Variants in ZBBX observed in about 807,000 individuals in gnomAD.
The protein encoded by ZBBX is zinc finger B-box domain containing.
A neutral mutation model predicts 108.5 loss-of-function variants in ZBBX; 101 were observed. The ratio of observed to expected loss-of-function variants is 0.93; its 90% CI spans 0.79 to 1.10. The LOEUF is 1.10. Ranked by LOEUF, ZBBX falls within the 50% of genes least tolerant of loss-of-function variation. The probability of loss-of-function intolerance (pLI) is 0.00; values close to 1 mark genes in which losing one functional copy is unlikely to be tolerated. For missense variants in ZBBX, 1,009 were observed against 941.4 expected (o/e 1.07, Z -0.94); for synonymous variants, 356 against 323.4 (o/e 1.10, Z -1.08).
the ZBBX span, among the ~76,000 whole-genome samples, chr3:167,188,935 C>G: frequency 6.6e-6 from 1 of 152,104 alleles, no homozygotes; most frequent in Admixed American, 6.6e-5. Context: ...TAAAAAGACA[C>G]AGTAAGAATC....
chr3:167,403,245 C>T (rs999602560), intron 1 of ZBBX, among the ~76,000 whole-genome samples: 35 of 152,080 alleles, frequency 2.3e-4, no homozygotes, highest in African/African-American at 6.0e-4. Flanking sequence ...ATTAACCCAA[C>T]GCATTGACAT....
intron 20 of ZBBX, among the ~76,000 whole-genome samples, chr3:167,244,978 TACATG>T (rs1278111746): frequency 1.3e-5 from 2 of 152,042 alleles, no homozygotes; most frequent in Non-Finnish European, 2.9e-5. Flanking sequence ...AATAAGCACT[TACATG>T]AAATAAAACA....
intron 8 of ZBBX, among the ~76,000 whole-genome samples, chr3:167,354,499 A>T (rs1743198494): frequency 6.6e-6 from 1 of 151,856 alleles, no homozygotes; most frequent in Admixed American, 6.6e-5. Flanking sequence ...CTGAAGAAAA[A>T]AAAACACTAT....
intron 9 of ZBBX, among the ~76,000 whole-genome samples, chr3:167,336,535 AAGGAATTTCAAGTTC>A (rs1392311306): frequency 6.6e-6 from 1 of 152,200 alleles, no homozygotes; most frequent in Non-Finnish European, 1.5e-5. Flanking sequence ...TTACATAGAC[AAGGAATTTCAAGTTC>A]AGAAAGCTTA....
chr3:167,348,266 GGAA>G (rs1741875919), intron 9 of ZBBX, among the ~76,000 whole-genome samples: 21 of 82,762 alleles, frequency 2.5e-4, no homozygotes, highest in South Asian at 5.1e-4. Flanking sequence ...TGGAAGGGAA[GGAA>G]GGAAGGAAGG....
At chr3:167,253,962 A>C (rs1723046768) in intron 20 of ZBBX, among the ~76,000 whole-genome samples, 1 of 152,192 alleles carries the variant, frequency 6.6e-6, no homozygotes, top group African/African-American at 2.4e-5. Flanking sequence ...GAGCAACAAC[A>C]TGACAGGCAT....
At chr3:167,217,709 A>G in the ZBBX span, among the ~76,000 whole-genome samples, 1 of 152,164 alleles carries the variant, frequency 6.6e-6, no homozygotes, top group African/African-American at 2.4e-5. Flanking sequence ...CATAAAATCA[A>G]CCTAAATGCC....
At chr3:167,222,927 G>A in the ZBBX span, among the ~76,000 whole-genome samples, 1 of 151,970 alleles carries the variant, frequency 6.6e-6, no homozygotes, top group African/African-American at 2.4e-5. Flanking sequence ...TTTCAAAATA[G>A]CTACAAGACT....
intron 9 of ZBBX, among the ~76,000 whole-genome samples, chr3:167,348,314 G>GAAAGAGAAAGAAAGAA (rs1476551584): frequency 1.5e-5 from 1 of 65,592 alleles, no homozygotes; most frequent in African/African-American, 5.6e-5. Flanking sequence ...GAGAAAGAAA[G>GAAAGAGAAAGAAAGAA]AGAAAGAAAG....
chr3:167,404,957 T>C (rs1748538691), intron 1 of ZBBX, among the ~76,000 whole-genome samples: 1 of 152,122 alleles, frequency 6.6e-6, no homozygotes, highest in African/African-American at 2.4e-5. Flanking sequence ...GAGATATATT[T>C]GGTGTTTGAA....
chr3:167,250,204 T>A (rs1722332645), intron 20 of ZBBX, among the ~76,000 whole-genome samples: 1 of 152,126 alleles, frequency 6.6e-6, no homozygotes, highest in South Asian at 2.1e-4. Flanking sequence ...GCCAACTTGG[T>A]CTTTTATAAT....
chr3:167,343,843 T>C (rs1238334535), intron 9 of ZBBX, among the ~76,000 whole-genome samples: 2 of 151,894 alleles, frequency 1.3e-5, no homozygotes. Context: ...GGAGTTACCA[T>C]ATGACCCAGC....
the ZBBX span, among the ~76,000 whole-genome samples, chr3:167,232,846 C>A: frequency 1.3e-5 from 2 of 151,678 alleles, no homozygotes; most frequent in African/African-American, 4.8e-5. Flanking sequence ...GAAAGAATGG[C>A]CTTGAAGAGG....
intron 20 of ZBBX, among the ~76,000 whole-genome samples, chr3:167,254,404 A>T (rs1168667386): frequency 2.0e-5 from 3 of 152,166 alleles, no homozygotes; most frequent in Non-Finnish European, 4.4e-5. Flanking sequence ...TTTAACTTAT[A>T]TCAAAATAGA....
At chr3:167,355,357 C>A (rs1743373965) in intron 8 of ZBBX, among the ~76,000 whole-genome samples, 1 of 151,884 alleles carries the variant, frequency 6.6e-6, no homozygotes, top group South Asian at 2.1e-4. Flanking sequence ...GTACAGATTA[C>A]TGTTATCCGT....
the ZBBX span, among the ~76,000 whole-genome samples, chr3:167,205,053 A>G: frequency 6.6e-6 from 1 of 152,238 alleles, no homozygotes; most frequent in African/African-American, 2.4e-5. Context: ...TGGTGACAAT[A>G]TGGGGGCACA....
chr3:167,352,169 C>T (rs1742773649), intron 8 of ZBBX, among the ~76,000 whole-genome samples: 1 of 151,554 alleles, frequency 6.6e-6, no homozygotes, highest in Admixed American at 6.6e-5. Flanking sequence ...TAAAATTGAG[C>T]TAAAAAATGT....
chr3:167,335,001 TCTC>T (rs1156243250), intron 9 of ZBBX, among the ~76,000 whole-genome samples: 2 of 152,100 alleles, frequency 1.3e-5, no homozygotes, highest in Non-Finnish European at 2.9e-5. Context: ...GGCTTTTGCT[TCTC>T]CTCTGCATTC....
chr3:167,180,864 C>A, the ZBBX span, among the ~76,000 whole-genome samples: 2 of 152,142 alleles, frequency 1.3e-5, no homozygotes, highest in African/African-American at 2.4e-5. Context: ...GCTGTAATGC[C>A]CCCATGGGTT....
Sources: allele counts gnomAD v4.1 joint callset (sites outside exome capture counted in the v4.1 genomes callset), GRCh38; gene constraint gnomAD v4.1.1; transcripts MANE v1.5; gene names NCBI Gene and HGNC (gene_info 2026-07-23, HGNC 2026-07-21).